The following IFT88 variants were observed in gnomAD, a reference collection of about 807,000 sequenced individuals.
IFT88 encodes intraflagellar transport 88, also known as intraflagellar transport protein 88 homolog.
A neutral mutation model predicts 119.5 loss-of-function variants in IFT88; 74 were observed. That is an observed-to-expected ratio of 0.62 (90% confidence interval 0.51 to 0.75). IFT88 has a LOEUF of 0.75. Ranked by LOEUF, IFT88 falls within the 30% of genes least tolerant of loss-of-function variation. IFT88 has a pLI of 0.00. For missense variants in IFT88, 961 were observed against 977.7 expected (o/e 0.98, Z 0.23); for synonymous variants, 279 against 316.7 (o/e 0.88, Z 1.26).
At chr13:20,651,665 A>G (rs1446832691) in intron 20 of IFT88, among the ~76,000 whole-genome samples, 6 of 151,828 alleles carry the variant, frequency 4.0e-5, no homozygotes, top group Admixed American at 6.6e-5. Flanking sequence ...CCGCATCTAC[A>G]TAATTCTATT....
chr13:20,589,199 GAGA>G (rs1401424310), intron 3 of IFT88, among the ~76,000 whole-genome samples: 2 of 152,092 alleles, frequency 1.3e-5, no homozygotes, highest in African/African-American at 2.4e-5. Context: ...AGTTCTTAAT[GAGA>G]AGGTTTTTAA....
At chr13:20,647,973 G>A (rs2050998362) in intron 20 of IFT88, among the ~76,000 whole-genome samples, 1 of 152,034 alleles carries the variant, frequency 6.6e-6, no homozygotes, top group Admixed American at 6.5e-5. Flanking sequence ...CACATACAGG[G>A]ACCCTCAGTA....
chr13:20,573,391 A>G (rs912507179), intron 1 of IFT88, among the ~76,000 whole-genome samples: 2 of 152,142 alleles, frequency 1.3e-5, no homozygotes, highest in African/African-American at 4.8e-5. Flanking sequence ...CCAAGGTTAC[A>G]TGAAGTCTGA....
chr13:20,679,071 C>T (rs372574894), intron 24 of IFT88, among the ~76,000 whole-genome samples: 140 of 152,256 alleles, frequency 9.2e-4, no homozygotes, highest in African/African-American at 3.3e-3. Context: ...GATAAATTTC[C>T]AGTATGACCC....
At chr13:20,598,984 A>G (rs112877290) in intron 10 of IFT88, among the ~76,000 whole-genome samples, 2 of 152,178 alleles carry the variant, frequency 1.3e-5, no homozygotes, top group African/African-American at 2.4e-5. Context: ...TCACAAGTAG[A>G]ATGAGCCATG....
intron 20 of IFT88, among the ~76,000 whole-genome samples, chr13:20,646,499 G>A (rs931587571): frequency 6.6e-6 from 1 of 150,498 alleles, no homozygotes; most frequent in Non-Finnish European, 1.5e-5. Context: ...TTTTGTTTTA[G>A]TAGAAACGGA....
chr13:20,684,081 A>G (rs992714300), intron 24 of IFT88, among the ~76,000 whole-genome samples: 1 of 152,244 alleles, frequency 6.6e-6, no homozygotes, highest in Admixed American at 6.5e-5. Flanking sequence ...TAGCTGGTTT[A>G]AATTCTTTGA....
intron 4 of IFT88, 82 bp downstream of exon 4, chr13:20,589,949 A>AT: frequency 2.7e-6 from 2 of 748,614 alleles, no homozygotes; most frequent in Non-Finnish European, 4.6e-6. Flanking sequence ...TAATTTTATT[A>AT]TATCTTAGGT....
intron 23 of IFT88, among the ~76,000 whole-genome samples, chr13:20,663,984 A>C (rs2054235145): frequency 6.6e-6 from 1 of 152,186 alleles, no homozygotes; most frequent in African/African-American, 2.4e-5. Flanking sequence ...TGCTTTAACA[A>C]GTTTTCTAGG....
At chr13:20,577,793 A>G (rs1347185943) in intron 2 of IFT88, among the ~76,000 whole-genome samples, 2 of 152,142 alleles carry the variant, frequency 1.3e-5, no homozygotes, top group South Asian at 2.1e-4. Flanking sequence ...AATGTTCATC[A>G]GGGATGTTGG....
At chr13:20,673,968 A>G (rs573718555) in intron 24 of IFT88, among the ~76,000 whole-genome samples, 1 of 152,212 alleles carries the variant, frequency 6.6e-6, no homozygotes, top group South Asian at 2.1e-4. Context: ...GCTTTCCCCC[A>G]TCATTTGCCT....
chr13:20,597,641 GGCTGGA>G (rs1324170046), intron 9 of IFT88, among the ~76,000 whole-genome samples: 1 of 151,800 alleles, frequency 6.6e-6, no homozygotes, highest in Non-Finnish European at 1.5e-5. Flanking sequence ...CTACTTGGGA[GGCTGGA>G]GCAGGAGAAT....
At chr13:20,583,096 T>A (rs2039010190) in intron 3 of IFT88, 77 bp downstream of exon 3, 1 of 790,456 alleles carries the variant, frequency 1.3e-6, no homozygotes, top group East Asian at 2.6e-5. Flanking sequence ...CATTTTCACC[T>A]GTATATTCCT....
chr13:20,632,411 C>T (rs918243306), intron 16 of IFT88, among the ~76,000 whole-genome samples: 2 of 152,164 alleles, frequency 1.3e-5, no homozygotes, highest in African/African-American at 4.8e-5. Flanking sequence ...ACCCAGACCT[C>T]ACCATCTACC....
At chr13:20,632,879 T>C (rs1227675713) in intron 16 of IFT88, among the ~76,000 whole-genome samples, 2 of 152,210 alleles carry the variant, frequency 1.3e-5, no homozygotes, top group South Asian at 4.1e-4. Flanking sequence ...TAGTCCCTCT[T>C]AGAGCTTCTG....
intron 14 of IFT88, among the ~76,000 whole-genome samples, chr13:20,619,633 T>C (rs556589611): frequency 1.3e-5 from 2 of 152,210 alleles, no homozygotes; most frequent in East Asian, 3.9e-4. Flanking sequence ...TGACTGGGTG[T>C]TGTGATTTGC....
intron 2 of IFT88, among the ~76,000 whole-genome samples, chr13:20,581,980 T>A (rs1338555818): frequency 6.6e-6 from 1 of 152,222 alleles, no homozygotes; most frequent in African/African-American, 2.4e-5. Context: ...TATTTTCAAA[T>A]TTTTAAAAAG....
intron 23 of IFT88, among the ~76,000 whole-genome samples, chr13:20,669,917 T>TG (rs1356894640): frequency 6.6e-6 from 1 of 152,118 alleles, no homozygotes; most frequent in African/African-American, 2.4e-5. Flanking sequence ...TTCCTTTTAA[T>TG]GGAAAAAAAA....
chr13:20,632,517 C>T (rs567108840), intron 16 of IFT88, among the ~76,000 whole-genome samples: 73 of 152,308 alleles, frequency 4.8e-4, no homozygotes, highest in African/African-American at 1.6e-3. Flanking sequence ...TTACGTTTTG[C>T]TCAGAATAAT....
Sources: allele counts gnomAD v4.1 joint callset (sites outside exome capture counted in the v4.1 genomes callset), GRCh38; gene constraint gnomAD v4.1.1; transcripts MANE v1.5; gene names NCBI Gene and HGNC (gene_info 2026-07-23, HGNC 2026-07-21).